Variants in KLHDC10 observed in about 807,000 individuals in gnomAD.
KLHDC10 encodes the protein kelch domain-containing protein 10.
Under a neutral mutation model 56.1 loss-of-function variants are expected in KLHDC10, and 24 were observed. The observed-to-expected ratio is 0.43, with a 90% CI of 0.31 to 0.60. The LOEUF is 0.60. Among genes scored for constraint, KLHDC10 ranks in the 20% least tolerant of loss-of-function variants. The probability of loss-of-function intolerance (pLI) is 0.11; values close to 1 mark genes in which losing one functional copy is unlikely to be tolerated. For synonymous variants in KLHDC10, 188 were observed against 207.1 expected (o/e 0.91, Z 0.79); for missense variants, 349 against 567.0 (o/e 0.62, Z 3.91).
At chr7:130,128,889 A>AAAAAAAAAAAAAATATATATATAT in intron 8 of KLHDC10, among the ~76,000 whole-genome samples, 3 of 66,952 alleles carry the variant, frequency 4.5e-5, no homozygotes, top group Non-Finnish European at 8.3e-5. Context: ...AAAAAAAAAA[A>AAAAAAAAAAAAAATATATATATAT]ATATATATAT....
intron 1 of KLHDC10, among the ~76,000 whole-genome samples, chr7:130,095,687 C>G (rs990969056): frequency 6.6e-6 from 1 of 152,140 alleles, no homozygotes; most frequent in African/African-American, 2.4e-5. Flanking sequence ...CTGTAGTAAG[C>G]AAACTAGACC....
At chr7:130,078,935 C>T (rs2116841123) in intron 1 of KLHDC10, among the ~76,000 whole-genome samples, 1 of 152,326 alleles carries the variant, frequency 6.6e-6, no homozygotes, top group Non-Finnish European at 1.5e-5. Context: ...TTACTTCAAT[C>T]AGATATTTTT....
chr7:130,125,827 T>A, intron 6 of KLHDC10, 38 bp from the exon 7 acceptor site: 1 of 1,461,046 alleles, frequency 6.8e-7, no homozygotes, highest in Middle Eastern at 2.0e-4. Flanking sequence ...AAATTACAAT[T>A]ATTTATGTAT....
At chr7:130,085,082 A>T (rs1032852170) in intron 1 of KLHDC10, among the ~76,000 whole-genome samples, 4 of 151,952 alleles carry the variant, frequency 2.6e-5, no homozygotes, top group African/African-American at 9.7e-5. Context: ...GCGGTGGCTC[A>T]TGCCTGTAAT....
intron 2 of KLHDC10, among the ~76,000 whole-genome samples, chr7:130,108,575 C>T (rs1318607651): frequency 8.1e-6 from 1 of 123,680 alleles, no homozygotes; most frequent in East Asian, 2.9e-4. Flanking sequence ...AAAAAAAAAG[C>T]TGGGCGTGGT....
At chr7:130,129,658 C>G in intron 9 of KLHDC10, 82 bp downstream of exon 9, 3 of 1,340,956 alleles carry the variant, frequency 2.2e-6, no homozygotes, top group Non-Finnish European at 3.1e-6. Context: ...AGAAAAAAAG[C>G]CAGATATAGG....
intron 1 of KLHDC10, among the ~76,000 whole-genome samples, chr7:130,088,026 G>A (rs747640380): frequency 1.3e-5 from 2 of 151,932 alleles, no homozygotes; most frequent in Non-Finnish European, 2.9e-5. Flanking sequence ...CTCACAAAGT[G>A]CTGGAATTAC....
chr7:130,128,889 A>AAAAAAAAAAAAATATATAT, intron 8 of KLHDC10, among the ~76,000 whole-genome samples: 1 of 66,958 alleles, frequency 1.5e-5, no homozygotes, highest in Non-Finnish European at 2.8e-5. Context: ...AAAAAAAAAA[A>AAAAAAAAAAAAATATATAT]ATATATATAT....
intron 2 of KLHDC10, among the ~76,000 whole-genome samples, chr7:130,108,515 A>G (rs1321167838): frequency 6.7e-6 from 1 of 149,114 alleles, no homozygotes; most frequent in Non-Finnish European, 1.5e-5. Context: ...CCTCAAGACC[A>G]GCCTGGGCAA....
chr7:130,128,888 AAATATATATAT>A (rs1371971367), intron 8 of KLHDC10, among the ~76,000 whole-genome samples: 1 of 98,448 alleles, frequency 1.0e-5, no homozygotes, highest in African/African-American at 4.3e-5. Context: ...AAAAAAAAAA[AAATATATATAT>A]ATATATATAT....
chr7:130,104,756 G>A (rs1413926046), intron 2 of KLHDC10, among the ~76,000 whole-genome samples: 1 of 152,154 alleles, frequency 6.6e-6, no homozygotes, highest in Non-Finnish European at 1.5e-5. Flanking sequence ...GAGGAGTTGA[G>A]GGGAGGTGCT....
At position 130,130,036 on chromosome 7, in the gene KLHDC10, G is replaced by A. The variant is rs991533864; in HGVS notation, c.1119+460G>A. On this transcript the variant is annotated intron_variant, in intron 9 of 9. Transcript: ENST00000335420. The surrounding 1 kb of genome is among the most constrained non-coding windows in gnomAD (Gnocchi z 4.2). ...AGTAAAAAAAAATTCATATATATAG[G>A]CCGGGCGCGGTGGCTCAGGCCTGTA... is the stretch of plus-strand genomic sequence containing the variant. Among the ~76,000 whole-genome samples the A allele has an allele frequency of 2.2e-4, 33 of 152,006 alleles. No individual in the cohort carries two copies. The highest frequency in any genetic ancestry group is 6.3e-4 in the African/African-American group (26 of 41,378).
intron 8 of KLHDC10, among the ~76,000 whole-genome samples, chr7:130,128,890 ATATATATATAT>A (rs1563107657): frequency 2.2e-5 from 1 of 45,008 alleles, no homozygotes; most frequent in Non-Finnish European, 4.3e-5. Flanking sequence ...AAAAAAAAAA[ATATATATATAT>A]ATATATATAT....
chr7:130,094,353 A>G lies in KLHDC10; in HGVS notation c.167-2568A>G, dbSNP rs113377445. Among the ~76,000 whole-genome samples, 932 of 152,342 alleles carry G rather than the reference A, an allele frequency of 6.1e-3. 7 individuals carry two copies. The highest frequency in any genetic ancestry group is 0.02 in the African/African-American group (843 of 41,576). On this transcript the variant is annotated intron_variant, in intron 1 of 9. Coordinates refer to ENST00000335420, the MANE Select transcript of KLHDC10 (RefSeq NM_014997.4). ...AAAAGAGGTAATAATCTCAAGCCCAATCATAACCAGTGTTAAGACTTTGGT... is the reference window on the plus strand; with the variant it reads ...AAAAGAGGTAATAATCTCAAGCCCAGTCATAACCAGTGTTAAGACTTTGGT...
intron 2 of KLHDC10, among the ~76,000 whole-genome samples, chr7:130,112,049 T>G (rs567955428): frequency 6.6e-6 from 1 of 152,222 alleles, no homozygotes; most frequent in Non-Finnish European, 1.5e-5. Flanking sequence ...GTTTTGTATT[T>G]TTTATTTTTT....
At chr7:130,103,317 T>C (rs568135975) in intron 2 of KLHDC10, among the ~76,000 whole-genome samples, 1 of 151,454 alleles carries the variant, frequency 6.6e-6, no homozygotes, top group African/African-American at 2.4e-5. Flanking sequence ...TCCCCGCTAC[T>C]CGGGAGGCTG....
chr7:130,088,997 G>C (rs1442002735), intron 1 of KLHDC10, among the ~76,000 whole-genome samples: 1 of 151,750 alleles, frequency 6.6e-6, no homozygotes, highest in Middle Eastern at 3.2e-3. Flanking sequence ...ACTCAATTAA[G>C]AAAAACAATC....
chr7:130,076,142 C>T (rs1238046385), intron 1 of KLHDC10, among the ~76,000 whole-genome samples: 2 of 152,200 alleles, frequency 1.3e-5, no homozygotes, highest in African/African-American at 4.8e-5. Flanking sequence ...GCCTAGATCC[C>T]TTGCATGCAC....
chr7:130,114,397 C>T (rs1055394391), intron 2 of KLHDC10, among the ~76,000 whole-genome samples: 2 of 152,108 alleles, frequency 1.3e-5, no homozygotes, highest in Non-Finnish European at 1.5e-5. Flanking sequence ...CCTGTATAAG[C>T]CAATAAACAT....
Sources: gnomAD v4.1 joint callset for allele counts (sites outside exome capture counted in the v4.1 genomes callset) on GRCh38, gnomAD v4.1.1 for gene constraint, Gnocchi (gnomAD v3.1) non-coding constraint, MANE v1.5 for transcripts, NCBI Gene and HGNC (gene_info 2026-07-23, HGNC 2026-07-21) for gene names.